The following KCNH8 variants were observed in gnomAD, a reference collection of about 807,000 sequenced individuals.
KCNH8 encodes voltage-gated delayed rectifier potassium channel KCNH8.
Under a neutral mutation model 103.6 loss-of-function variants are expected in KCNH8, and 70 were observed. That is an observed-to-expected ratio of 0.68 (90% CI 0.56 to 0.82). The LOEUF (loss-of-function observed/expected upper bound fraction) is 0.82, where lower values mean the gene tolerates loss of function less well. Ranked by LOEUF, KCNH8 falls within the 40% of genes least tolerant of loss-of-function variation. KCNH8 has a pLI of 0.00. For missense variants in KCNH8, 1,217 were observed against 1,329.9 expected (o/e 0.92, Z 1.32); for synonymous variants, 498 against 489.4 (o/e 1.02, Z -0.23).
rs774455172 is a variant in KCNH8 at position 19,148,808 on chromosome 3, CTTGAACGAGTGG to C, written c.76+15_76+26del. On this transcript the variant is annotated intron_variant, in intron 1 of 15. Coordinates refer to ENST00000328405, the MANE Select transcript of KCNH8 (RefSeq NM_144633.3). The stretch of plus-strand genomic sequence containing the variant: ...TTTGACGGAACACGTAAGTCTTACA[CTTGAACGAGTGG>C]TATGGCATTTTCTGAGACTGATTTT... 1.9e-6 allele frequency: 3 copies of C among 1,610,394 alleles called. No individual in the cohort carries two copies. Among genetic ancestry groups the C allele is most frequent in the Middle Eastern group, 1.7e-4 (1 of 6,048 alleles).
chr3:19,287,755 T>C (rs1459371579), intron 3 of KCNH8, among the ~76,000 whole-genome samples: 1 of 152,140 alleles, frequency 6.6e-6, no homozygotes, highest in Non-Finnish European at 1.5e-5. Flanking sequence ...CCAGCTAATT[T>C]TTGTATTTTT....
At chr3:19,353,323 A>G (rs959628079) in intron 5 of KCNH8, among the ~76,000 whole-genome samples, 2 of 152,238 alleles carry the variant, frequency 1.3e-5, no homozygotes, top group African/African-American at 2.4e-5. Context: ...AGCTGGTACC[A>G]TTCCTTCTGA....
chr3:19,437,497 TG>T (rs895848776), intron 7 of KCNH8, among the ~76,000 whole-genome samples: 4 of 152,166 alleles, frequency 2.6e-5, no homozygotes, highest in African/African-American at 9.7e-5. Flanking sequence ...TAAAACAGTT[TG>T]TAGAGGGGCT....
At chr3:19,467,135 G>A (rs2067755332) in intron 11 of KCNH8, among the ~76,000 whole-genome samples, 1 of 152,138 alleles carries the variant, frequency 6.6e-6, no homozygotes, top group Non-Finnish European at 1.5e-5. Context: ...TGGTTTGGAA[G>A]TGGTCTGAGG....
intron 7 of KCNH8, among the ~76,000 whole-genome samples, chr3:19,412,310 G>C (rs2066793020): frequency 6.6e-6 from 1 of 151,942 alleles, no homozygotes; most frequent in Admixed American, 6.6e-5. Context: ...TCCCTATTCA[G>C]TAAAATGGTG....
intron 3 of KCNH8, among the ~76,000 whole-genome samples, chr3:19,298,231 CAT>C (rs1302530983): frequency 6.6e-6 from 1 of 152,144 alleles, no homozygotes; most frequent in Non-Finnish European, 1.5e-5. Context: ...CATCTTGTCT[CAT>C]AGGAGAAAGG....
chr3:19,260,684 G>C (rs1014145679), intron 2 of KCNH8, among the ~76,000 whole-genome samples: 6 of 148,480 alleles, frequency 4.0e-5, no homozygotes, highest in Middle Eastern at 3.6e-3. Flanking sequence ...TCTTCTTCTT[G>C]TTCATTAGAT....
chr3:19,529,412 A>G lies in KCNH8; in HGVS notation c.2620-3983A>G, dbSNP rs991757374. ...CAACGTGCAGGTTTGTTACATATGT[A>G]CACATGTCTTCTTGAGTGGACAGAG... On this transcript the variant is annotated intron_variant, in intron 15 of 15. Transcript: ENST00000328405. Among the ~76,000 whole-genome samples, 5 of 152,190 alleles carry G rather than the reference A, an allele frequency of 3.3e-5. 1 individual carries two copies. In the South Asian group the frequency reaches 1.0e-3, roughly 31 times the overall value.
intron 2 of KCNH8, among the ~76,000 whole-genome samples, chr3:19,262,273 G>A (rs527914931): frequency 3.4e-4 from 52 of 151,876 alleles, no homozygotes; most frequent in African/African-American, 1.2e-3. Flanking sequence ...CTCCTCTTCA[G>A]TGTCTTTCAT....
intron 15 of KCNH8, among the ~76,000 whole-genome samples, chr3:19,523,857 A>G (rs2069015081): frequency 6.6e-6 from 1 of 151,886 alleles, no homozygotes; most frequent in Non-Finnish European, 1.5e-5. Context: ...CCCCAATTTA[A>G]TGTATTATAT....
intron 1 of KCNH8, among the ~76,000 whole-genome samples, chr3:19,166,414 T>C (rs1345522910): frequency 6.6e-6 from 1 of 152,236 alleles, no homozygotes; most frequent in East Asian, 1.9e-4. Flanking sequence ...TTTTGTATAA[T>C]GCTTTGCACA....
chr3:19,408,536 C>T (rs1176536295), intron 7 of KCNH8, among the ~76,000 whole-genome samples: 3 of 151,978 alleles, frequency 2.0e-5, no homozygotes, highest in African/African-American at 7.3e-5. Context: ...TCAGAAATAA[C>T]AGATAAAGAA....
rs369363543 is a variant in KCNH8 at position 19,207,744 on chromosome 3, C to T, written c.77-45910C>T. Among the ~76,000 whole-genome samples the T allele has an allele frequency of 9.9e-5, 15 of 151,894 alleles. No individual in the cohort carries two copies. In the East Asian group the frequency reaches 1.2e-3, roughly 12 times the overall value. On this transcript the variant is annotated intron_variant, in intron 1 of 15. Coordinates refer to ENST00000328405, the MANE Select transcript of KCNH8 (RefSeq NM_144633.3). ...AATAAGTGCAATGTGTAATTGGACT[C>T]ATTTAATTTATAAATGATCATTTGT...
chr3:19,375,778 G>GT (rs1559498605), intron 5 of KCNH8, among the ~76,000 whole-genome samples: 2 of 151,510 alleles, frequency 1.3e-5, no homozygotes, highest in Non-Finnish European at 3.0e-5. Flanking sequence ...GTACAGATGG[G>GT]TTTTTGGTGT....
intron 15 of KCNH8, among the ~76,000 whole-genome samples, chr3:19,524,040 C>CTACTT (rs1444081353): frequency 6.6e-6 from 1 of 151,832 alleles, no homozygotes; most frequent in East Asian, 1.9e-4. Context: ...AGTTGCTTTA[C>CTACTT]TACTTTTCTA....
Position 19,515,409 on chromosome 3 carries a change from A to G in KCNH8, c.2523A>G (p.Arg841=). 1 of 1,544,514 alleles carries G rather than the reference A, an allele frequency of 6.5e-7. No individual in the cohort carries two copies. Among genetic ancestry groups the G allele is most frequent in the South Asian group, 1.3e-5 (1 of 78,938 alleles). Residue 841 remains arginine, a synonymous_variant, in exon 14 of 16, where the codon AGA becomes AGG. Coordinates refer to ENST00000328405, the MANE Select transcript of KCNH8 (RefSeq NM_144633.3). The part of the protein sequence containing the change: ...FGSERIRSEP[R]ISPPLGDPEI... Reference sequence around the variant, plus strand: ...CTGAACGAATCAGATCAGAGCCCAGAATTTCTCCTCCTCTTGGAGGTAAGA... The same window carrying G: ...CTGAACGAATCAGATCAGAGCCCAGGATTTCTCCTCCTCTTGGAGGTAAGA...
At position 19,265,095 on chromosome 3, in the gene KCNH8, A is replaced by G. The variant is rs2064489555; in HGVS notation, c.310+11208A>G. Among the ~76,000 whole-genome samples the G allele has an allele frequency of 2.6e-5, 4 of 152,062 alleles. No individual in the cohort carries two copies. The South Asian group carries it at 8.3e-4, about 31-fold the overall frequency. ...CAAACTATCAAAGAAGGAGTAGCTC[A>G]ATAATAGCTAGAATCAGAAAGTTTT... On this transcript the variant is annotated intron_variant, in intron 2 of 15. Transcript: ENST00000328405.
chr3:19,265,682 C>T (rs959116111), intron 2 of KCNH8, among the ~76,000 whole-genome samples: 1 of 151,840 alleles, frequency 6.6e-6, no homozygotes, highest in African/African-American at 2.4e-5. Flanking sequence ...CAACGAGATC[C>T]CACAAAAGTT....
At chr3:19,358,386 T>C (rs1394234025) in intron 5 of KCNH8, among the ~76,000 whole-genome samples, 1 of 151,806 alleles carries the variant, frequency 6.6e-6, no homozygotes, top group Non-Finnish European at 1.5e-5. Context: ...ACAATGAAGA[T>C]ATTTTCACAA....
Sources: allele counts gnomAD v4.1 joint callset (sites outside exome capture counted in the v4.1 genomes callset), GRCh38; gene constraint gnomAD v4.1.1; transcripts MANE v1.5; gene names NCBI Gene and HGNC (gene_info 2026-07-23, HGNC 2026-07-21).